GRM8: variants seen among roughly 807,000 people sequenced by gnomAD.
The protein encoded by GRM8 is glutamate metabotropic receptor 8.
Under a neutral mutation model 87.2 loss-of-function variants are expected in GRM8, and 47 were observed. The observed-to-expected ratio is 0.54, with a 90% confidence interval of 0.43 to 0.69. The LOEUF (loss-of-function observed/expected upper bound fraction) is 0.69, where lower values mean the gene tolerates loss of function less well. Among genes scored for constraint, GRM8 ranks in the 30% least tolerant of loss-of-function variants. GRM8 has a pLI of 0.00. For missense variants in GRM8, 1,019 were observed against 1,139.2 expected (o/e 0.89, Z 1.52); for synonymous variants, 396 against 404.5 (o/e 0.98, Z 0.25).
At chr7:126,763,260 C>A (rs533921160) in intron 7 of GRM8, among the ~76,000 whole-genome samples, 100 of 151,478 alleles carry the variant, frequency 6.6e-4, no homozygotes, top group Admixed American at 3.0e-3. Flanking sequence ...ATCAAATAAA[C>A]CTTCGCCTAC....
chr7:126,759,928 A>G (rs999801655), intron 7 of GRM8, among the ~76,000 whole-genome samples: 13 of 152,174 alleles, frequency 8.5e-5, no homozygotes, highest in Admixed American at 5.2e-4. Context: ...CTTGGCCACT[A>G]TTACAAGGTG....
chr7:127,129,276 A>G (rs1311946196), intron 2 of GRM8, among the ~76,000 whole-genome samples: 1 of 152,172 alleles, frequency 6.6e-6, no homozygotes. Context: ...TTTATTTACC[A>G]TTCCTTGCTG....
At chr7:126,603,388 C>T (rs1024325960) in intron 8 of GRM8, among the ~76,000 whole-genome samples, 3 of 150,034 alleles carry the variant, frequency 2.0e-5, no homozygotes, top group Admixed American at 6.7e-5. Context: ...CTGGCCAGGG[C>T]AATTAGGCAG....
chr7:126,984,922 C>T (rs1016462150), intron 3 of GRM8, among the ~76,000 whole-genome samples: 4 of 151,960 alleles, frequency 2.6e-5, no homozygotes, highest in African/African-American at 9.7e-5. Flanking sequence ...GCGGATGCAC[C>T]TTTTGGTTCA....
intron 4 of GRM8, 122 bp downstream of exon 4, chr7:126,904,426 A>G: frequency 1.1e-6 from 1 of 947,048 alleles, no homozygotes; most frequent in Non-Finnish European, 1.6e-6. Flanking sequence ...CAGATTTACA[A>G]ACTAGAAGGC....
chr7:126,724,012 G>A (rs1444948576), intron 7 of GRM8, among the ~76,000 whole-genome samples: 1 of 152,112 alleles, frequency 6.6e-6, no homozygotes, highest in Non-Finnish European at 1.5e-5. Context: ...CATTTACATA[G>A]AGGGCATACA....
intron 3 of GRM8, among the ~76,000 whole-genome samples, chr7:127,054,239 C>T (rs760869096): frequency 3.9e-5 from 6 of 152,046 alleles, no homozygotes; most frequent in South Asian, 2.1e-4. Context: ...TGATGTGCCT[C>T]GCTGCTGATT....
intron 6 of GRM8, among the ~76,000 whole-genome samples, chr7:126,859,841 T>C (rs945749618): frequency 6.6e-6 from 1 of 152,154 alleles, no homozygotes; most frequent in African/African-American, 2.4e-5. Flanking sequence ...TAGCTCTTCC[T>C]AAAGCAATTT....
chr7:127,056,318 C>T (rs553400585), intron 3 of GRM8, among the ~76,000 whole-genome samples: 1 of 152,160 alleles, frequency 6.6e-6, no homozygotes, highest in African/African-American at 2.4e-5. Flanking sequence ...CAAAACTAAC[C>T]TTAAAGAAGC....
intron 2 of GRM8, among the ~76,000 whole-genome samples, chr7:127,171,084 A>G (rs1223682273): frequency 6.6e-6 from 1 of 152,232 alleles, no homozygotes; most frequent in East Asian, 1.9e-4. Context: ...TCCAACCTTC[A>G]TGGACAACTT....
intron 7 of GRM8, among the ~76,000 whole-genome samples, chr7:126,647,344 T>TAG (rs1322938307): frequency 7.5e-6 from 1 of 132,486 alleles, no homozygotes; most frequent in East Asian, 2.1e-4. Context: ...GATAGATAGA[T>TAG]ATAGATATAG....
chr7:126,527,663 C>T (rs1387941393), intron 9 of GRM8, among the ~76,000 whole-genome samples: 1 of 152,184 alleles, frequency 6.6e-6, no homozygotes, highest in East Asian at 1.9e-4. Context: ...TATTACTAAT[C>T]TCCAAACTAC....
At chr7:126,869,932 TTAAAAAAAAA>T (rs1798941088) in intron 6 of GRM8, 1 of 65,996 alleles carries the variant, frequency 1.5e-5, no homozygotes, top group African/African-American at 7.9e-5. Flanking sequence ...TCCTCATAGA[TTAAAAAAAAA>T]AAAAAAAAAA....
intron 7 of GRM8, among the ~76,000 whole-genome samples, chr7:126,653,717 C>A (rs1425871885): frequency 6.6e-6 from 1 of 152,132 alleles, no homozygotes; most frequent in East Asian, 1.9e-4. Flanking sequence ...TAATCTGGAA[C>A]AAGAATACCC....
intron 7 of GRM8, among the ~76,000 whole-genome samples, chr7:126,647,566 A>T (rs1294511746): frequency 6.6e-6 from 1 of 152,094 alleles, no homozygotes; most frequent in East Asian, 1.9e-4. Context: ...CAAATTAAAA[A>T]ATGCAGAAAT....
At chr7:127,152,118 A>C (rs1170140192) in intron 2 of GRM8, among the ~76,000 whole-genome samples, 1 of 152,130 alleles carries the variant, frequency 6.6e-6, no homozygotes, top group Non-Finnish European at 1.5e-5. Flanking sequence ...GAGACAGGGA[A>C]GACAGCAAGA....
chr7:126,785,346 T>C (rs1820514215), intron 6 of GRM8, among the ~76,000 whole-genome samples: 1 of 152,168 alleles, frequency 6.6e-6, no homozygotes, highest in Admixed American at 6.6e-5. Context: ...GCAATGCACA[T>C]CTTGGCTGCT....
intron 9 of GRM8, among the ~76,000 whole-genome samples, chr7:126,507,930 T>C (rs1810735264): frequency 6.6e-6 from 1 of 151,904 alleles, no homozygotes; most frequent in African/African-American, 2.4e-5. Context: ...GGGGTCTGGG[T>C]TCTCTCTCTC....
intron 2 of GRM8, among the ~76,000 whole-genome samples, chr7:127,234,075 C>T (rs1367255273): frequency 2.0e-5 from 3 of 152,124 alleles, no homozygotes; most frequent in South Asian, 2.1e-4. Flanking sequence ...GAAGCAAGGG[C>T]CTCTTGTGAC....
Sources: allele counts gnomAD v4.1 joint callset (sites outside exome capture counted in the v4.1 genomes callset), GRCh38; gene constraint gnomAD v4.1.1; transcripts MANE v1.5; gene names NCBI Gene and HGNC (gene_info 2026-07-23, HGNC 2026-07-21).